The following TNFRSF10B variants were observed in gnomAD, a reference collection of about 807,000 sequenced individuals.
TNFRSF10B encodes tumor necrosis factor receptor superfamily member 10B.
In TNFRSF10B, 35 loss-of-function variants were observed where a neutral mutation model predicts 41.4. That is an observed-to-expected ratio of 0.85 (90% CI 0.65 to 1.12). TNFRSF10B has a LOEUF of 1.12. TNFRSF10B is among the 50% of genes most tolerant of loss of function. The pLI is 0.00. For missense variants in TNFRSF10B, 584 were observed against 552.7 expected (o/e 1.06, Z -0.57); for synonymous variants, 230 against 215.5 (o/e 1.07, Z -0.59).
intron 1 of TNFRSF10B, among the ~76,000 whole-genome samples, chr8:23,052,831 T>C (rs1397547964): frequency 6.6e-6 from 1 of 152,242 alleles, no homozygotes; most frequent in Non-Finnish European, 1.5e-5. Context: ...GTTCAATTTA[T>C]TTTGGACTGT....
At chr8:23,061,745 G>C (rs1812835723) in intron 1 of TNFRSF10B, among the ~76,000 whole-genome samples, 1 of 152,186 alleles carries the variant, frequency 6.6e-6, no homozygotes, top group Non-Finnish European at 1.5e-5. Context: ...CATCATGAAA[G>C]GGCTTTGAAT....
chr8:23,024,366 G>T, intron 7 of TNFRSF10B, 106 bp from the exon 8 acceptor site: 1 of 1,265,480 alleles, frequency 7.9e-7, no homozygotes. Flanking sequence ...GTCACTTCCA[G>T]AACATTGTTC....
In TNFRSF10B at chr8:23,033,122, T is replaced by C. The variant is rs578205184; in HGVS notation, c.251-2250A>G. On this transcript the variant is annotated intron_variant, in intron 2 of 8. Transcript: ENST00000276431. ...AAATCCTGCAACCAAGAATTTGATA[T>C]CCAGGAACATTATCATTCAAGAATG... is the stretch of plus-strand genomic sequence containing the variant. Among the ~76,000 whole-genome samples, 13 of 152,292 alleles carry C rather than the reference T, an allele frequency of 8.5e-5. No individual in the cohort carries two copies. The East Asian group carries it at 2.5e-3, about 29-fold the overall frequency.
At position 23,028,497 on chromosome 8, in the gene TNFRSF10B, C is replaced by T; in HGVS notation, c.582G>A (p.Val194=). Residue 194 remains valine (V), a synonymous_variant, in exon 5 of 9, where the codon GTG becomes GTA. Coordinates refer to ENST00000276431, the MANE Select transcript of TNFRSF10B (RefSeq NM_003842.5). ...CTGGGCTGGAGGTCACCGTCTCCTC[C>T]ACAGCTGGGACTTCCCCACTGTGCT... ...GTKHSGEVPA[V]EETVTSSPGT... is the part of the protein sequence containing the mutation. 6.2e-7 allele frequency: 1 copy of T among 1,614,062 alleles called. No homozygotes were observed. The highest frequency in any genetic ancestry group is 1.3e-5 in the African/African-American group (1 of 74,998).
chr8:23,028,196 C>T, intron 5 of TNFRSF10B, 135 bp downstream of exon 5: 1 of 1,230,974 alleles, frequency 8.1e-7, no homozygotes, highest in Non-Finnish European at 1.2e-6. Context: ...ATGGGGGTGA[C>T]CACGAGGAGG....
At chr8:23,029,963 G>A (rs1415777391) in intron 3 of TNFRSF10B, among the ~76,000 whole-genome samples, 2 of 152,236 alleles carry the variant, frequency 1.3e-5, no homozygotes, top group African/African-American at 2.4e-5. Flanking sequence ...TTAGGGGAAA[G>A]CACCGTTTAG....
At chr8:23,042,609 C>A (rs939517581) in intron 2 of TNFRSF10B, among the ~76,000 whole-genome samples, 1 of 152,210 alleles carries the variant, frequency 6.6e-6, no homozygotes, top group Non-Finnish European at 1.5e-5. Context: ...AGATGTACAT[C>A]CGATGCTGGT....
chr8:23,033,007 T>G (rs1811923425), intron 2 of TNFRSF10B, among the ~76,000 whole-genome samples: 1 of 152,206 alleles, frequency 6.6e-6, no homozygotes, highest in South Asian at 2.1e-4. Context: ...TCAATAAGGT[T>G]ATTAGCTAAT....
intron 8 of TNFRSF10B, among the ~76,000 whole-genome samples, chr8:23,023,977 T>A (rs190008309): frequency 6.6e-6 from 1 of 151,920 alleles, no homozygotes; most frequent in Non-Finnish European, 1.5e-5. Flanking sequence ...ACAGAGTCAT[T>A]AGGGTCAATG....
chr8:23,058,355 G>A (rs1812729401), intron 1 of TNFRSF10B, among the ~76,000 whole-genome samples: 1 of 152,168 alleles, frequency 6.6e-6, no homozygotes, highest in South Asian at 2.1e-4. Context: ...TACAGTTAGT[G>A]TAATTATTAC....
chr8:23,028,631 G>T (rs960323420), intron 4 of TNFRSF10B, 29 bp from the exon 5 acceptor site: 4 of 1,613,672 alleles, frequency 2.5e-6, no homozygotes, highest in South Asian at 1.1e-5. Flanking sequence ...GGAGAGGGGG[G>T]ACTCTTGATG....
chr8:23,024,395 G>T, intron 7 of TNFRSF10B, 135 bp from the exon 8 acceptor site: 1 of 931,416 alleles, frequency 1.1e-6, no homozygotes, highest in African/African-American at 1.6e-5. Flanking sequence ...CTGGCAACAA[G>T]ACAGGAGACA....
chr8:23,057,547 C>A (rs1456665430), intron 1 of TNFRSF10B, among the ~76,000 whole-genome samples: 3 of 151,680 alleles, frequency 2.0e-5, no homozygotes, highest in Non-Finnish European at 4.4e-5. Flanking sequence ...ATTCTCCTAC[C>A]TTAGCCTCCC....
chr8:23,022,999 C>T lies in TNFRSF10B; in HGVS notation c.1010-15G>A. On this transcript the variant is annotated splice_polypyrimidine_tract_variant and intron_variant, in intron 8 of 8. Coordinates refer to ENST00000276431, the MANE Select transcript of TNFRSF10B (RefSeq NM_003842.5). ...CTGTCTCAGAGCTGGTGGAGAAAGCCACAGAGACAGCCAGGTGAGTTGGGA... is the reference window on the plus strand; with the variant it reads ...CTGTCTCAGAGCTGGTGGAGAAAGCTACAGAGACAGCCAGGTGAGTTGGGA... The T allele has an allele frequency of 6.2e-7, 1 of 1,607,938 alleles. No individual in the cohort carries two copies. Among genetic ancestry groups the T allele is most frequent in the South Asian group, 1.1e-5 (1 of 91,062 alleles).
rs748767310 is a variant in TNFRSF10B, at chr8:23,030,763, A to G, written c.360T>C (p.Asp120=). Residue 120 remains aspartate, a synonymous_variant, in exon 3 of 9, where the codon GAT becomes GAC. Transcript: ENST00000276431. The part of the protein sequence containing the change: ...LLFCLRCTRC[D]SGEVELSPCT... ...TGGGGTCCATATGTTCTGTACCTGAATCACACCTGGTGCAGCGCAAGCAGA... is the reference window on the plus strand; with the variant it reads ...TGGGGTCCATATGTTCTGTACCTGAGTCACACCTGGTGCAGCGCAAGCAGA... 6.2e-7 allele frequency: 1 copy of G among 1,611,530 alleles called. No homozygotes were observed. The highest frequency in any genetic ancestry group is 8.5e-7 in the Non-Finnish European group (1 of 1,178,582).
At chr8:23,051,418 G>A (rs1179387913) in intron 1 of TNFRSF10B, among the ~76,000 whole-genome samples, 1 of 152,074 alleles carries the variant, frequency 6.6e-6, no homozygotes, top group Admixed American at 6.5e-5. Flanking sequence ...TCAAAATCTG[G>A]CATAGAGGCT....
chr8:23,056,728 A>G (rs1406102326), intron 1 of TNFRSF10B, among the ~76,000 whole-genome samples: 1 of 151,752 alleles, frequency 6.6e-6, no homozygotes, highest in African/African-American at 2.4e-5. Flanking sequence ...ATTTTGAAAT[A>G]TTTTTGTATT....
chr8:23,022,600 G>A lies in TNFRSF10B; in HGVS notation c.*71C>T. Reference sequence around the variant, plus strand: ...CAATTGTGGCACTTTCCTACTGACTGGAGTCCAGTTGGGCTTTTTCCAGAA... The same window carrying A: ...CAATTGTGGCACTTTCCTACTGACTAGAGTCCAGTTGGGCTTTTTCCAGAA... On this transcript the variant is annotated 3_prime_UTR_variant, in exon 9 of 9. Coordinates refer to ENST00000276431, the MANE Select transcript of TNFRSF10B (RefSeq NM_003842.5). The A allele has an allele frequency of 1.3e-6, 2 of 1,547,222 alleles. No individual in the cohort carries two copies. Among genetic ancestry groups the A allele is most frequent in the East Asian group, 2.3e-5 (1 of 44,376 alleles).
chr8:23,043,326 G>A (rs894953161), intron 1 of TNFRSF10B, 83 bp from the exon 2 acceptor site: 4 of 1,083,498 alleles, frequency 3.7e-6, no homozygotes, highest in South Asian at 1.3e-5. Context: ...CTTGAGCCCA[G>A]GCACCCAAGC....
Sources: gnomAD v4.1 joint callset for allele counts (sites outside exome capture counted in the v4.1 genomes callset) on GRCh38, gnomAD v4.1.1 for gene constraint, MANE v1.5 for transcripts, NCBI Gene and HGNC (gene_info 2026-07-23, HGNC 2026-07-21) for gene names.